Variants in TRIM2 observed in about 807,000 individuals in gnomAD.
TRIM2 encodes the protein tripartite motif-containing protein 2.
A neutral mutation model predicts 75.2 loss-of-function variants in TRIM2; 20 were observed. The ratio of observed to expected loss-of-function variants is 0.27; its 90% CI spans 0.19 to 0.39. The LOEUF is 0.39. TRIM2 is among the 10% of genes least tolerant of loss of function. TRIM2 has a pLI of 1.00. For missense variants in TRIM2, 660 were observed against 990.8 expected (o/e 0.67, Z 4.48); for synonymous variants, 373 against 388.3 (o/e 0.96, Z 0.46).
At chr4:153,265,075 A>G (rs1224191558) in intron 1 of TRIM2, among the ~76,000 whole-genome samples, 1 of 152,160 alleles carries the variant, frequency 6.6e-6, no homozygotes. Flanking sequence ...AGCATAAAAT[A>G]TTGGCTCAAG....
intron 6 of TRIM2, among the ~76,000 whole-genome samples, chr4:153,302,071 G>T (rs76314572): frequency 6.6e-6 from 1 of 152,014 alleles, no homozygotes; most frequent in African/African-American, 2.4e-5. Flanking sequence ...GGGGGTATGG[G>T]CATTTTATTA....
chr4:153,169,702 C>T (rs976073325), intron 1 of TRIM2, among the ~76,000 whole-genome samples: 3 of 152,148 alleles, frequency 2.0e-5, no homozygotes, highest in Non-Finnish European at 4.4e-5. Flanking sequence ...GATGAAAGCT[C>T]TCTGTGATTC....
Position 153,339,047 on chromosome 4 carries a change from G to T in TRIM2, c.*4081G>T, listed in dbSNP as rs532374807. 3 of 983,958 alleles carry T rather than the reference G, an allele frequency of 3.0e-6. No individual in the cohort carries two copies. In the African/African-American group the frequency reaches 5.3e-5, roughly 17 times the overall value. The allele number at this position is 983,958 out of a possible 1,614,324, so 61.0% of individuals were successfully genotyped here. On this transcript the variant is annotated 3_prime_UTR_variant, in exon 12 of 12. Coordinates refer to ENST00000338700, the MANE Select transcript of TRIM2 (RefSeq NM_015271.5). ...TTTTATGTATAGAACACTAAGTCTT[G>T]CACTCTCTGACATTGATACTGATAT... is the stretch of plus-strand genomic sequence containing the variant.
chr4:153,330,046 A>C (rs573744846), intron 11 of TRIM2, among the ~76,000 whole-genome samples: 1 of 152,122 alleles, frequency 6.6e-6, no homozygotes, highest in Non-Finnish European at 1.5e-5. Flanking sequence ...TCTGTGAACA[A>C]CTCTACATAC....
intron 6 of TRIM2, among the ~76,000 whole-genome samples, chr4:153,301,015 A>T (rs1763788070): frequency 6.6e-6 from 1 of 150,646 alleles, no homozygotes; most frequent in Non-Finnish European, 1.5e-5. Flanking sequence ...ACATGATGAA[A>T]CCTCATCTCT....
chr4:153,155,451 T>C (rs1184858366), intron 1 of TRIM2, among the ~76,000 whole-genome samples: 2 of 152,038 alleles, frequency 1.3e-5, no homozygotes, highest in African/African-American at 4.8e-5. Context: ...GGAAATCAAA[T>C]AATGAGGTGG....
At chr4:153,285,029 G>A (rs1204890879) in intron 3 of TRIM2, among the ~76,000 whole-genome samples, 1 of 152,114 alleles carries the variant, frequency 6.6e-6, no homozygotes. Flanking sequence ...TCAAGGTCAT[G>A]AAAATTCACC....
At chr4:153,326,060 G>A (rs1770094984) in intron 10 of TRIM2, among the ~76,000 whole-genome samples, 1 of 152,178 alleles carries the variant, frequency 6.6e-6, no homozygotes. Flanking sequence ...TATTTGACAT[G>A]AGCAGAATTT....
intron 3 of TRIM2, among the ~76,000 whole-genome samples, chr4:153,279,078 G>A (rs1363883248): frequency 6.6e-6 from 1 of 152,176 alleles, no homozygotes; most frequent in East Asian, 1.9e-4. Context: ...TGACATTTTG[G>A]AGGAATGGGG....
At chr4:153,239,874 T>A (rs2149837351) in intron 1 of TRIM2, among the ~76,000 whole-genome samples, 1 of 149,484 alleles carries the variant, frequency 6.7e-6, no homozygotes, top group Non-Finnish European at 1.5e-5. Flanking sequence ...TCTCGCTCTG[T>A]CACCCAGGCT....
chr4:153,197,302 A>T (rs1433815163), intron 1 of TRIM2, among the ~76,000 whole-genome samples: 1 of 152,238 alleles, frequency 6.6e-6, no homozygotes, highest in Non-Finnish European at 1.5e-5. Flanking sequence ...GCACTGAGGA[A>T]CAGGTAAGCA....
rs376451129 is a variant in TRIM2 at position 153,309,027 on chromosome 4, G to A, written c.1511-6458G>A. Reference sequence around the variant, plus strand: ...TGCAACTAATATTGACTAAGTGCTAGGCACTATGCTGTGTTATAGGGTGCA... The same window carrying A: ...TGCAACTAATATTGACTAAGTGCTAAGCACTATGCTGTGTTATAGGGTGCA... On this transcript the variant is annotated intron_variant, in intron 6 of 11. Coordinates refer to ENST00000338700, the MANE Select transcript of TRIM2 (RefSeq NM_015271.5). Among the ~76,000 whole-genome samples the A allele has an allele frequency of 2.6e-5, 4 of 152,190 alleles. No homozygotes were observed. In the South Asian group the frequency reaches 6.2e-4, roughly 24 times the overall value.
chr4:153,279,169 G>A (rs1401564802), intron 3 of TRIM2, among the ~76,000 whole-genome samples: 1 of 152,162 alleles, frequency 6.6e-6, no homozygotes, highest in Non-Finnish European at 1.5e-5. Context: ...AACTAGAATG[G>A]CATCAATGGG....
chr4:153,288,776 CTT>C (rs532120191), intron 3 of TRIM2, among the ~76,000 whole-genome samples: 4 of 144,740 alleles, frequency 2.8e-5, no homozygotes, highest in African/African-American at 5.0e-5. Flanking sequence ...CTTTTTCTTC[CTT>C]TTTTTTTTTT....
chr4:153,224,706 A>G (rs1429076574), intron 1 of TRIM2, among the ~76,000 whole-genome samples: 1 of 152,218 alleles, frequency 6.6e-6, no homozygotes, highest in Non-Finnish European at 1.5e-5. Context: ...ATTCCATTGT[A>G]TCTGTCAAAA....
intron 6 of TRIM2, among the ~76,000 whole-genome samples, chr4:153,296,491 G>A (rs1348671888): frequency 6.6e-6 from 1 of 152,224 alleles, no homozygotes; most frequent in African/African-American, 2.4e-5. Flanking sequence ...AGCATGTGAT[G>A]CCTCCCTGTC....
chr4:153,323,848 G>C (rs1288411086), intron 9 of TRIM2, among the ~76,000 whole-genome samples: 1 of 152,122 alleles, frequency 6.6e-6, no homozygotes, highest in African/African-American at 2.4e-5. Context: ...AGAACTCCCA[G>C]CCTGCTTGAG....
intron 1 of TRIM2, among the ~76,000 whole-genome samples, chr4:153,169,542 C>G (rs1349345408): frequency 6.6e-6 from 1 of 151,850 alleles, no homozygotes; most frequent in East Asian, 1.9e-4. Context: ...TTTTTTTGAC[C>G]TATCATTTTT....
At chr4:153,188,722 A>G (rs1732874429) in intron 1 of TRIM2, among the ~76,000 whole-genome samples, 1 of 151,316 alleles carries the variant, frequency 6.6e-6, no homozygotes, top group African/African-American at 2.4e-5. Flanking sequence ...TGAGGCCAGG[A>G]GTTTGAGACC....
Sources: gnomAD v4.1 joint callset for allele counts (sites outside exome capture counted in the v4.1 genomes callset) on GRCh38, gnomAD v4.1.1 for gene constraint, MANE v1.5 for transcripts, NCBI Gene and HGNC (gene_info 2026-07-23, HGNC 2026-07-21) for gene names.